ARHGAP8: variants seen among roughly 807,000 people sequenced by gnomAD.
ARHGAP8 encodes rho GTPase-activating protein 8.
Under a neutral mutation model 46.1 loss-of-function variants are expected in ARHGAP8, and 62 were observed. The ratio of observed to expected loss-of-function variants is 1.34; its 90% CI spans 1.10 to 1.66. ARHGAP8 has a LOEUF of 1.66. Ranked by LOEUF, ARHGAP8 falls within the 40% of genes most tolerant of loss-of-function variation. ARHGAP8 has a pLI of 0.00. For missense variants in ARHGAP8, 923 were observed against 568.4 expected, an observed-to-expected ratio of 1.62 and a Z score of -6.34; for synonymous variants, 375 against 243.1, an observed-to-expected ratio of 1.54 and a Z score of -5.05.
At chr22:44,810,065 T>G (rs1929225046) in intron 4 of ARHGAP8, among the ~76,000 whole-genome samples, 1 of 152,112 alleles carries the variant, frequency 6.6e-6, no homozygotes, top group Admixed American at 6.5e-5. Flanking sequence ...CTTCCTGGGT[T>G]GTCCTGGGAG....
intron 7 of ARHGAP8, among the ~76,000 whole-genome samples, chr22:44,836,256 G>C (rs966176501): frequency 6.6e-6 from 1 of 151,680 alleles, no homozygotes; most frequent in Non-Finnish European, 1.5e-5. Flanking sequence ...TTTTGAGACA[G>C]GGTCTCACTA....
Position 44,859,974 on chromosome 22 carries a change from C to T in ARHGAP8, c.981+140C>T, listed in dbSNP as rs184336573. On this transcript the variant is annotated intron_variant, in intron 11 of 11. Transcript: ENST00000356099. ...CCTCGGAATACCACTCCCTGCCCCCCAAGGACCTCATCCAAGGCCTGGTCA... is the reference window on the plus strand; with the variant it reads ...CCTCGGAATACCACTCCCTGCCCCCTAAGGACCTCATCCAAGGCCTGGTCA... 1.7e-3 allele frequency: 1,764 copies of T among 1,032,816 alleles called. 4 individuals are homozygous for T. Among genetic ancestry groups the T allele is most frequent in the Non-Finnish European group, 2.2e-3 (1,562 of 726,400 alleles). 64.0% of individuals were successfully genotyped at this position (1,032,816 alleles called of 1,614,324 possible). A position where few individuals can be genotyped will look rare whatever the true frequency, so the allele number is the denominator to read the frequency against.
At chr22:44,857,840 C>G (rs535011275) in intron 10 of ARHGAP8, among the ~76,000 whole-genome samples, 1 of 152,140 alleles carries the variant, frequency 6.6e-6, no homozygotes, top group Non-Finnish European at 1.5e-5. Flanking sequence ...GGTTGAAATG[C>G]TTGACCTCTT....
chr22:44,803,101 C>T (rs1928673605), intron 3 of ARHGAP8, among the ~76,000 whole-genome samples: 1 of 152,126 alleles, frequency 6.6e-6, no homozygotes, highest in Non-Finnish European at 1.5e-5. Flanking sequence ...CACCTGTGAA[C>T]TGAGGAAATC....
intron 1 of ARHGAP8, among the ~76,000 whole-genome samples, chr22:44,775,266 C>A (rs1926339352): frequency 6.6e-6 from 1 of 152,164 alleles, no homozygotes; most frequent in Non-Finnish European, 1.5e-5. Context: ...TATGAGCTGG[C>A]CTGGGCCTAT....
chr22:44,808,501 T>G, intron 4 of ARHGAP8, 63 bp downstream of exon 4: 3 of 1,591,110 alleles, frequency 1.9e-6, no homozygotes, highest in Non-Finnish European at 1.7e-6. Context: ...GGAGGCATTG[T>G]GGCCACAAGG....
intron 11 of ARHGAP8, among the ~76,000 whole-genome samples, chr22:44,860,040 G>C (rs1005859223): frequency 3.3e-5 from 5 of 152,058 alleles, no homozygotes; most frequent in African/African-American, 1.2e-4. Flanking sequence ...GTCAGACAGG[G>C]CGTACCTGCC....
At position 44,792,351 on chromosome 22, in the gene ARHGAP8, C is replaced by T. The variant is rs1231306267; in HGVS notation, c.79+5745C>T. Among the ~76,000 whole-genome samples, 2 of 152,112 alleles carry T rather than the reference C, an allele frequency of 1.3e-5. 1 individual carries two copies. The highest frequency in any genetic ancestry group is 3.9e-4 in the East Asian group (2 of 5,186). On this transcript the variant is annotated intron_variant, in intron 2 of 11. Coordinates refer to ENST00000356099, the MANE Select transcript of ARHGAP8 (RefSeq NM_181335.3). ...GTTGGGACAACCAGCAGAGAACATC[C>T]CCAGATGGCCCCTCACTGAGGACTG...
intron 1 of ARHGAP8, among the ~76,000 whole-genome samples, chr22:44,761,109 A>G (rs2146990880): frequency 6.6e-6 from 1 of 152,356 alleles, no homozygotes; most frequent in East Asian, 1.9e-4. Flanking sequence ...CACCACGGAT[A>G]CTGTTTGAGC....
chr22:44,816,036 C>T lies in ARHGAP8; in HGVS notation c.386+1278C>T, dbSNP rs368932782. The stretch of plus-strand genomic sequence containing the variant: ...GGGCGGGAGGACTCCTGGAGGGCCT[C>T]CCTAGGATGAAGCCTCTGGGGACAG... On this transcript the variant is annotated intron_variant, in intron 5 of 11. Transcript: ENST00000356099. Among the ~76,000 whole-genome samples, 51 of 152,104 alleles carry T rather than the reference C, an allele frequency of 3.4e-4. 1 individual carries two copies. In the East Asian group the frequency reaches 8.5e-3, roughly 25 times the overall value.
intron 3 of ARHGAP8, among the ~76,000 whole-genome samples, chr22:44,806,663 CAA>C (rs1928941110): frequency 6.6e-6 from 1 of 152,088 alleles, no homozygotes. Context: ...ACTTAGAAAT[CAA>C]ACGCACAGGC....
intron 5 of ARHGAP8, among the ~76,000 whole-genome samples, chr22:44,820,665 T>G (rs1010319754): frequency 4.6e-5 from 7 of 152,174 alleles, no homozygotes; most frequent in Non-Finnish European, 8.8e-5. Flanking sequence ...CACTGCACTT[T>G]GGTGGCTATT....
intron 7 of ARHGAP8, among the ~76,000 whole-genome samples, chr22:44,842,338 C>A (rs904505776): frequency 1.3e-5 from 2 of 152,106 alleles, no homozygotes; most frequent in African/African-American, 2.4e-5. Context: ...GCCTGGGGGA[C>A]AGAGCGAGAC....
At chr22:44,844,400 A>T (rs1242602164) in intron 7 of ARHGAP8, among the ~76,000 whole-genome samples, 1 of 152,272 alleles carries the variant, frequency 6.6e-6, no homozygotes, top group African/African-American at 2.4e-5. Context: ...ATTGATAATT[A>T]CATTAAGTCT....
chr22:44,858,550 TTA>T (rs1491316995), intron 10 of ARHGAP8, among the ~76,000 whole-genome samples: 1,459 of 121,658 alleles, frequency 0.012, 64 homozygotes, highest in African/African-American at 0.044. Context: ...TTTTTTTTTT[TTA>T]AGTAACAGGG....
chr22:44,840,582 CTCTATGAG>C, intron 7 of ARHGAP8, among the ~76,000 whole-genome samples: 1 of 152,290 alleles, frequency 6.6e-6, no homozygotes, highest in African/African-American at 2.4e-5. Flanking sequence ...GAGCTGGAGG[CTCTATGAG>C]TCTAAGATCA....
At chr22:44,833,368 T>C (rs982845293) in intron 7 of ARHGAP8, among the ~76,000 whole-genome samples, 6 of 152,112 alleles carry the variant, frequency 3.9e-5, no homozygotes, top group Non-Finnish European at 5.9e-5. Flanking sequence ...GGTTGGTTGG[T>C]TTGTTCATGT....
At chr22:44,753,678 C>G (rs1015190232) in intron 1 of ARHGAP8, among the ~76,000 whole-genome samples, 2 of 152,114 alleles carry the variant, frequency 1.3e-5, no homozygotes, top group African/African-American at 4.8e-5. Context: ...AATTTCTCCG[C>G]TGCCTTGGGA....
chr22:44,861,364 G>GGGTGTTAT (rs1417301044), intron 11 of ARHGAP8, among the ~76,000 whole-genome samples: 3 of 152,208 alleles, frequency 2.0e-5, no homozygotes, highest in African/African-American at 7.2e-5. Context: ...GTGTGGTGTT[G>GGGTGTTAT]CGTGTTATCA....
Sources: gnomAD v4.1 joint callset for allele counts (sites outside exome capture counted in the v4.1 genomes callset) on GRCh38, gnomAD v4.1.1 for gene constraint, MANE v1.5 for transcripts, NCBI Gene and HGNC (gene_info 2026-07-23, HGNC 2026-07-21) for gene names.